The following PPP1R12B variants were observed in gnomAD, a reference collection of about 807,000 sequenced individuals.
PPP1R12B encodes myosin phosphatase target subunit 2.
In PPP1R12B, 76 loss-of-function variants were observed where a neutral mutation model predicts 126.1. The observed-to-expected ratio is 0.60, with a 90% CI of 0.50 to 0.73. The LOEUF (loss-of-function observed/expected upper bound fraction) is 0.73. PPP1R12B is among the 30% of genes least tolerant of loss of function. The pLI is 0.00. For synonymous variants in PPP1R12B, 356 were observed against 434.7 expected (o/e 0.82, Z 2.25); for missense variants, 1,052 against 1,205.1 (o/e 0.87, Z 1.88).
intron 18 of PPP1R12B, among the ~76,000 whole-genome samples, chr1:202,529,467 G>T (rs536622902): frequency 1.3e-5 from 2 of 152,070 alleles, no homozygotes; most frequent in African/African-American, 4.8e-5. Context: ...ATTGCTTTTC[G>T]TAGGGCCTTT....
intron 21 of PPP1R12B, 116 bp from the exon 22 acceptor site, chr1:202,567,662 G>A: frequency 9.1e-7 from 1 of 1,103,602 alleles, no homozygotes; most frequent in Non-Finnish European, 1.3e-6. Context: ...TATAGGGGAA[G>A]TCCAAAGTTT....
At chr1:202,446,777 G>GTT (rs111415656) in intron 12 of PPP1R12B, among the ~76,000 whole-genome samples, 8 of 144,016 alleles carry the variant, frequency 5.6e-5, no homozygotes, top group Non-Finnish European at 1.2e-4. Context: ...TAAGGTAAAG[G>GTT]TTTTTTTTTT....
At chr1:202,486,795 A>C (rs1484591744) in intron 13 of PPP1R12B, among the ~76,000 whole-genome samples, 1 of 152,206 alleles carries the variant, frequency 6.6e-6, no homozygotes, top group East Asian at 1.9e-4. Context: ...GCAACGAAGT[A>C]AGACTCAAAA....
intron 13 of PPP1R12B, among the ~76,000 whole-genome samples, chr1:202,482,794 G>A (rs1195400345): frequency 6.6e-6 from 1 of 152,082 alleles, no homozygotes. Context: ...TGCTTTTGAA[G>A]TCTTATTTAA....
At chr1:202,422,921 C>T (rs531608053) in intron 3 of PPP1R12B, among the ~76,000 whole-genome samples, 183 bp downstream of exon 3, 1 of 152,270 alleles carries the variant, frequency 6.6e-6, no homozygotes, top group Admixed American at 6.5e-5. Flanking sequence ...CAAGAATAGG[C>T]CAGATGTCAA....
chr1:202,483,611 T>C lies in PPP1R12B; in HGVS notation c.1851-4922T>C, dbSNP rs539258167. 2.4e-4 allele frequency among the ~76,000 whole-genome samples: 36 copies of C among 152,102 alleles called. 1 individual carries two copies. Among genetic ancestry groups the C allele is most frequent in the Middle Eastern group, 6.8e-3 (2 of 294 alleles). ...TTTACTGAAGCTAGAGGCAAGAGGG[T>C]GAAGAGAACCAGGAAGTTAAGCTTT... On this transcript the variant is annotated intron_variant, in intron 13 of 23. Transcript: ENST00000608999.
chr1:202,485,123 T>C lies in PPP1R12B; in HGVS notation c.1851-3410T>C, dbSNP rs555377953. Reference sequence around the variant, plus strand: ...TGCAGGTATGTACCGGTGAGGGGACTGGCCAGCAGTTAGGCAGTTTCCCCC... The same window carrying C: ...TGCAGGTATGTACCGGTGAGGGGACCGGCCAGCAGTTAGGCAGTTTCCCCC... On this transcript the variant is annotated intron_variant, in intron 13 of 23. Coordinates refer to ENST00000608999, the MANE Select transcript of PPP1R12B (RefSeq NM_002481.4). Among the ~76,000 whole-genome samples, 66 of 152,296 alleles carry C rather than the reference T, an allele frequency of 4.3e-4. No individual in the cohort carries two copies. The South Asian group carries it at 6.8e-3, about 16-fold the overall frequency.
At chr1:202,357,137 C>T (rs888947309) in intron 1 of PPP1R12B, among the ~76,000 whole-genome samples, 4 of 152,108 alleles carry the variant, frequency 2.6e-5, no homozygotes, top group African/African-American at 7.2e-5. Context: ...TGCATCTGGC[C>T]ATGATTCAGA....
chr1:202,456,626 A>G (rs1233514513), intron 13 of PPP1R12B, among the ~76,000 whole-genome samples: 2 of 152,254 alleles, frequency 1.3e-5, no homozygotes, highest in Admixed American at 1.3e-4. Flanking sequence ...CAAAGGGTTC[A>G]TGAAAAGGGT....
At chr1:202,553,670 G>A (rs1188960946) in intron 18 of PPP1R12B, among the ~76,000 whole-genome samples, 2 of 152,140 alleles carry the variant, frequency 1.3e-5, no homozygotes, top group Admixed American at 1.3e-4. Context: ...AGATGAGTCC[G>A]CATTCCTAGC....
In PPP1R12B at chr1:202,416,770, T is replaced by A. The variant is rs1333197804; in HGVS notation, c.292-17T>A. On this transcript the variant is annotated splice_polypyrimidine_tract_variant and intron_variant, in intron 1 of 23. Transcript: ENST00000608999. Reference sequence around the variant, plus strand: ...AATGAATACTTGTTGAATGAATGAATGGACTTTTCTTTTCAGGCATGTATT... The same window carrying A: ...AATGAATACTTGTTGAATGAATGAAAGGACTTTTCTTTTCAGGCATGTATT... The A allele has an allele frequency of 1.2e-6, 2 of 1,611,298 alleles. No homozygotes were observed. The highest frequency in any genetic ancestry group is 1.7e-6 in the Non-Finnish European group (2 of 1,178,136).
At chr1:202,415,874 A>C (rs987630319) in intron 1 of PPP1R12B, among the ~76,000 whole-genome samples, 24 of 152,146 alleles carry the variant, frequency 1.6e-4, no homozygotes, top group African/African-American at 5.6e-4. Context: ...TTTGTTTAGC[A>C]ATTCTAGAGT....
At chr1:202,439,191 A>G in intron 10 of PPP1R12B, 1 of 1,510,010 alleles carries the variant, frequency 6.6e-7, no homozygotes, top group Non-Finnish European at 9.2e-7. Flanking sequence ...AAGCTCGACC[A>G]CTACTGCGCA....
chr1:202,478,716 G>A (rs1676989214), intron 13 of PPP1R12B, among the ~76,000 whole-genome samples: 2 of 152,112 alleles, frequency 1.3e-5, no homozygotes, highest in Admixed American at 1.3e-4. Context: ...TGGAATTTTA[G>A]TTGATTTTTG....
rs1224843249 is a variant in PPP1R12B, at chr1:202,471,573, ATG to A, written c.1851-16958_1851-16957del. ...TCTTTTCAACTAGGTTAGACTTAAA[ATG>A]TTTTTTTTTTTTTTTTTTGCTGCTA... On this transcript the variant is annotated intron_variant, in intron 13 of 23. Transcript: ENST00000608999. Among the ~76,000 whole-genome samples the A allele has an allele frequency of 3.5e-4, 37 of 104,518 alleles. No homozygotes were observed. The Admixed American group carries it at 3.9e-3, about 11-fold the overall frequency. 68.6% of individuals were successfully genotyped at this position (104,518 alleles called of 152,430 possible).
At chr1:202,463,675 A>G (rs1674605424) in intron 13 of PPP1R12B, among the ~76,000 whole-genome samples, 1 of 152,192 alleles carries the variant, frequency 6.6e-6, no homozygotes, top group African/African-American at 2.4e-5. Flanking sequence ...TTGAATATTA[A>G]TGGAAGTTAA....
intron 3 of PPP1R12B, among the ~76,000 whole-genome samples, chr1:202,423,093 C>G (rs1000493815): frequency 1.1e-4 from 17 of 152,146 alleles, no homozygotes; most frequent in African/African-American, 3.9e-4. Context: ...GAGTTTGTGA[C>G]TTTGCATCTT....
intron 18 of PPP1R12B, among the ~76,000 whole-genome samples, chr1:202,509,444 G>C (rs905820424): frequency 5.9e-5 from 9 of 152,160 alleles, no homozygotes; most frequent in Non-Finnish European, 8.8e-5. Flanking sequence ...GGTTCTCCTA[G>C]CGTGTCCCTA....
chr1:202,427,266 T>A lies in PPP1R12B; in HGVS notation c.846+82T>A, dbSNP rs1370173306. 5 of 1,570,700 alleles carry A rather than the reference T, an allele frequency of 3.2e-6. No homozygotes were observed. In the East Asian group the frequency reaches 1.1e-4, roughly 35 times the overall value. On this transcript the variant is annotated intron_variant, in intron 5 of 23. Transcript: ENST00000608999. ...TAAAAGGCTTAACATCTCTTTTCAA[T>A]GGCAGTCTGACTGTTGTGAAATATA...
Sources: gnomAD v4.1 joint callset for allele counts (sites outside exome capture counted in the v4.1 genomes callset) on GRCh38, gnomAD v4.1.1 for gene constraint, MANE v1.5 for transcripts, NCBI Gene and HGNC (gene_info 2026-07-23, HGNC 2026-07-21) for gene names.